CNNM2: variants seen among roughly 807,000 people sequenced by gnomAD.
The protein encoded by CNNM2 is cyclin and CBS domain divalent metal cation transport mediator 2.
Under a neutral mutation model 66.9 loss-of-function variants are expected in CNNM2, and 12 were observed. The ratio of observed to expected loss-of-function variants is 0.18; its 90% CI spans 0.11 to 0.29. The LOEUF (loss-of-function observed/expected upper bound fraction) is 0.29, where lower values mean the gene tolerates loss of function less well. CNNM2 is among the 10% of genes least tolerant of loss of function. The pLI, the probability that CNNM2 is intolerant of heterozygous loss-of-function variation, is 1.00. For synonymous variants in CNNM2, 557 were observed against 501.8 expected (o/e 1.11, Z -1.47); for missense variants, 705 against 1,167.7 (o/e 0.60, Z 5.77).
At chr10:102,920,369 CTTAT>C (rs1254054811) in intron 1 of CNNM2, among the ~76,000 whole-genome samples, 1 of 151,414 alleles carries the variant, frequency 6.6e-6, no homozygotes, top group Non-Finnish European at 1.5e-5. Flanking sequence ...GTGCATGACA[CTTAT>C]TTATTTTTTT....
intron 1 of CNNM2, among the ~76,000 whole-genome samples, chr10:103,035,903 G>C (rs1040488112): frequency 5.9e-5 from 9 of 152,180 alleles, no homozygotes; most frequent in Admixed American, 2.0e-4. Context: ...TACTTTCTGT[G>C]TCTGCTGTTG....
intron 1 of CNNM2, among the ~76,000 whole-genome samples, chr10:102,938,397 T>C (rs1846316084): frequency 6.6e-6 from 1 of 151,444 alleles, no homozygotes; most frequent in Non-Finnish European, 1.5e-5. Flanking sequence ...TGAGCCAAGA[T>C]TGTGCCACTG....
intron 1 of CNNM2, among the ~76,000 whole-genome samples, chr10:103,048,619 CA>C (rs2065167714): frequency 7.1e-6 from 1 of 141,588 alleles, no homozygotes; most frequent in African/African-American, 2.6e-5. Context: ...AAATGCCTGA[CA>C]AATACCCAAG....
At chr10:102,922,838 G>A (rs1178338490) in intron 1 of CNNM2, among the ~76,000 whole-genome samples, 1 of 151,850 alleles carries the variant, frequency 6.6e-6, no homozygotes, top group Admixed American at 6.6e-5. Flanking sequence ...CTCCTTGGGA[G>A]GCCTGAGGTG....
chr10:102,966,268 G>A (rs2063463153), intron 1 of CNNM2, among the ~76,000 whole-genome samples: 1 of 152,224 alleles, frequency 6.6e-6, no homozygotes, highest in South Asian at 2.1e-4. Context: ...GGATGGAGGA[G>A]GAGTGAAAGG....
chr10:102,945,720 G>A (rs1846594164), intron 1 of CNNM2, among the ~76,000 whole-genome samples: 1 of 152,106 alleles, frequency 6.6e-6, no homozygotes, highest in Non-Finnish European at 1.5e-5. Context: ...CTCAGAGGAG[G>A]CCTTTACCTA....
chr10:103,029,112 G>A (rs929643748), intron 1 of CNNM2, among the ~76,000 whole-genome samples: 17 of 151,554 alleles, frequency 1.1e-4, no homozygotes, highest in African/African-American at 2.7e-4. Context: ...ATGAGCCACC[G>A]TGCCCGGCCC....
intron 1 of CNNM2, among the ~76,000 whole-genome samples, chr10:103,015,866 C>A (rs930615209): frequency 1.2e-4 from 18 of 151,828 alleles, no homozygotes; most frequent in African/African-American, 4.1e-4. Context: ...AAAACAACAA[C>A]AAAAAACAAA....
At chr10:103,058,030 A>G (rs1474571663) in intron 4 of CNNM2, among the ~76,000 whole-genome samples, 2 of 151,632 alleles carry the variant, frequency 1.3e-5, no homozygotes, top group Non-Finnish European at 2.9e-5. Flanking sequence ...CAAGCTCGGG[A>G]AAGTGTTGTG....
intron 1 of CNNM2, among the ~76,000 whole-genome samples, chr10:102,922,487 T>C (rs1845682925): frequency 6.6e-6 from 1 of 152,232 alleles, no homozygotes; most frequent in South Asian, 2.1e-4. Context: ...TTTTCTCTAC[T>C]GAATAACGGC....
chr10:103,069,724 G>C (rs1015218255), intron 5 of CNNM2, among the ~76,000 whole-genome samples: 1 of 152,250 alleles, frequency 6.6e-6, no homozygotes, highest in African/African-American at 2.4e-5. Flanking sequence ...CTGCTTGGCA[G>C]AGCGCACACG....
intron 1 of CNNM2, among the ~76,000 whole-genome samples, chr10:103,015,714 G>A (rs779550669): frequency 1.3e-5 from 2 of 152,062 alleles, no homozygotes; most frequent in African/African-American, 2.4e-5. Context: ...TTAGCCAGGC[G>A]TAGTGCTGCA....
At chr10:103,009,674 C>CAAAAAAAAAAAAA (rs36096913) in intron 1 of CNNM2, among the ~76,000 whole-genome samples, 1 of 58,634 alleles carries the variant, frequency 1.7e-5, no homozygotes, top group Non-Finnish European at 3.1e-5. Flanking sequence ...CCTGAGTCTC[C>CAAAAAAAAAAAAA]AAAAAAAAAA....
rs563012630 is a variant in CNNM2, at chr10:103,078,676, T to G, written c.*1496T>G. On this transcript the variant is annotated 3_prime_UTR_variant, in exon 8 of 8. Coordinates refer to ENST00000369878, the MANE Select transcript of CNNM2 (RefSeq NM_017649.5). Reference sequence around the variant, plus strand: ...ACTGAAATGAAATCATACTGACCAGTGTACACACAAGATTATCAGTGCCCG... The same window carrying G: ...ACTGAAATGAAATCATACTGACCAGGGTACACACAAGATTATCAGTGCCCG... The G allele has an allele frequency of 2.0e-4, 30 of 152,336 alleles. No homozygotes were observed. Among genetic ancestry groups the G allele is most frequent in the African/African-American group, 7.2e-4 (30 of 41,568 alleles). The allele number at this position is 152,336 out of a possible 1,614,324, so 9.4% of individuals were successfully genotyped here.
At position 103,022,802 on chromosome 10, in the gene CNNM2, G is replaced by A. The variant is rs544800587; in HGVS notation, c.1622-26905G>A. 2.7e-4 allele frequency among the ~76,000 whole-genome samples: 41 copies of A among 152,320 alleles called. 2 individuals are homozygous for A. The South Asian group carries it at 8.1e-3, about 30-fold the overall frequency. ...AGCATGGCACTGGCATCTGCTCCTGGTGAGGGTCTCAGGAAGTTTACGATC... is the reference window on the plus strand; with the variant it reads ...AGCATGGCACTGGCATCTGCTCCTGATGAGGGTCTCAGGAAGTTTACGATC... On this transcript the variant is annotated intron_variant, in intron 1 of 7. Transcript: ENST00000369878.
Position 103,077,281 on chromosome 10 carries a change from G to C in CNNM2, c.*101G>C. The C allele has an allele frequency of 9.4e-7, 1 of 1,063,774 alleles. No individual in the cohort carries two copies. Among genetic ancestry groups the C allele is most frequent in the Non-Finnish European group, 1.4e-6 (1 of 724,466 alleles). The allele number at this position is 1,063,774 out of a possible 1,614,324, so 65.9% of individuals were successfully genotyped here. On this transcript the variant is annotated 3_prime_UTR_variant, in exon 8 of 8. Coordinates refer to ENST00000369878, the MANE Select transcript of CNNM2 (RefSeq NM_017649.5). The stretch of plus-strand genomic sequence containing the variant: ...CTGGTGTGAGCTTGTCCGCCATGCT[G>C]TACCCTGCAACATCCTGAGACCAAA...
chr10:103,034,960 G>A (rs893762146), intron 1 of CNNM2, among the ~76,000 whole-genome samples: 2 of 83,918 alleles, frequency 2.4e-5, no homozygotes, highest in Non-Finnish European at 5.3e-5. Context: ...GCGACAGAGC[G>A]AGACTCCGTC....
chr10:103,063,618 C>G (rs1285599971), intron 4 of CNNM2, among the ~76,000 whole-genome samples: 2 of 152,160 alleles, frequency 1.3e-5, no homozygotes, highest in East Asian at 3.9e-4. Flanking sequence ...TATCTGATAC[C>G]TTTGTCCAAA....
rs1028264830 is a variant in CNNM2 at position 102,919,331 on chromosome 10, C to T, written c.851C>T (p.Pro284Leu). The T allele has an allele frequency of 1.9e-6, 3 of 1,613,510 alleles. No individual in the cohort carries two copies. Among genetic ancestry groups the T allele is most frequent in the Admixed American group, 3.3e-5 (2 of 60,012 alleles). Residue 284 changes from proline to leucine, a missense_variant, in exon 1 of 8, where the codon CCG becomes CTG. Transcript: ENST00000369878. ...GLNLGLMALD[P>L]MELRIVQNCG... ...AACCTGGGGCTCATGGCCCTGGACC[C>T]GATGGAGCTGCGCATCGTGCAGAAC...
Sources: allele counts gnomAD v4.1 joint callset (sites outside exome capture counted in the v4.1 genomes callset), GRCh38; gene constraint gnomAD v4.1.1; transcripts MANE v1.5; gene names NCBI Gene and HGNC (gene_info 2026-07-23, HGNC 2026-07-21).